Variants in MON2 observed in about 807,000 individuals in gnomAD.
MON2 encodes MON2 regulator of endosome-to-Golgi trafficking.
A neutral mutation model predicts 208.6 loss-of-function variants in MON2; 84 were observed. The observed-to-expected ratio is 0.40, with a 90% CI of 0.34 to 0.48. The LOEUF is 0.48. MON2 is among the 20% of genes least tolerant of loss of function. MON2 has a pLI of 0.59. For missense variants in MON2, 1,611 were observed against 2,015.4 expected, an observed-to-expected ratio of 0.80 and a Z score of 3.84; for synonymous variants, 660 against 694.0, an observed-to-expected ratio of 0.95 and a Z score of 0.77.
rs2075555075 is a variant in MON2, at chr12:62,597,646, TGC to T, written c.*4898_*4899del. 1 of 152,240 alleles carries T rather than the reference TGC, an allele frequency of 6.6e-6. No homozygotes were observed. The highest frequency in any genetic ancestry group is 6.5e-5 in the Admixed American group (1 of 15,282). The allele number at this position is 152,240 out of a possible 1,614,324, so 9.4% of individuals were successfully genotyped here. ...AGCCAAGATGCTCACAAAATGGGAT[TGC>T]TATAAATATGATGGATTCAGCACCT... is the stretch of plus-strand genomic sequence containing the variant. On this transcript the variant is annotated 3_prime_UTR_variant, in exon 35 of 35. Coordinates refer to ENST00000393630, the MANE Select transcript of MON2 (RefSeq NM_015026.3).
intron 29 of MON2, among the ~76,000 whole-genome samples, chr12:62,568,347 A>AT (rs1047826043): frequency 6.6e-6 from 1 of 151,846 alleles, no homozygotes; most frequent in Non-Finnish European, 1.5e-5. Context: ...GTGTATTTTT[A>AT]TTTTTTTTAG....
chr12:62,544,433 G>A (rs962187715), intron 20 of MON2, among the ~76,000 whole-genome samples: 5 of 152,052 alleles, frequency 3.3e-5, no homozygotes, highest in Non-Finnish European at 7.4e-5. Flanking sequence ...GTAACAAAGT[G>A]AGAGACTGTG....
intron 1 of MON2, among the ~76,000 whole-genome samples, chr12:62,471,978 G>A (rs1188186087): frequency 1.3e-5 from 2 of 152,208 alleles, no homozygotes; most frequent in African/African-American, 2.4e-5. Context: ...TAAGAAACAA[G>A]CTTGTTAGTA....
At position 62,599,630 on chromosome 12, in the gene MON2, C is replaced by T. The variant is rs2075589738; in HGVS notation, c.*6881C>T. 6.6e-6 allele frequency: 1 copy of T among 152,088 alleles called. No homozygotes were observed. The highest frequency in any genetic ancestry group is 6.5e-5 in the Admixed American group (1 of 15,268). The allele number at this position is 152,088 out of a possible 1,614,324, so 9.4% of individuals were successfully genotyped here. A position where few individuals can be genotyped will look rare whatever the true frequency, so the allele number is the denominator to read the frequency against. ...AGTTATTTTCATTTTACAGAAGAGT[C>T]AAGGATTAGGGGGTTGAAGTGAGCT... On this transcript the variant is annotated 3_prime_UTR_variant, in exon 35 of 35. Coordinates refer to ENST00000393630, the MANE Select transcript of MON2 (RefSeq NM_015026.3).
At chr12:62,473,089 A>C (rs1400491406) in intron 1 of MON2, among the ~76,000 whole-genome samples, 1 of 152,242 alleles carries the variant, frequency 6.6e-6, no homozygotes, top group Non-Finnish European at 1.5e-5. Flanking sequence ...TTTAACAGAA[A>C]TTTATGAGTC....
chr12:62,473,470 C>G (rs1236088504), intron 1 of MON2, among the ~76,000 whole-genome samples: 1 of 152,116 alleles, frequency 6.6e-6, no homozygotes, highest in Non-Finnish European at 1.5e-5. Flanking sequence ...TTATTTGTTA[C>G]TATTGGTTAT....
chr12:62,486,585 A>C (rs1012785824), intron 2 of MON2, among the ~76,000 whole-genome samples: 3 of 152,158 alleles, frequency 2.0e-5, no homozygotes, highest in Non-Finnish European at 4.4e-5. Context: ...AAAGTTGTAG[A>C]TTTATAGACC....
At chr12:62,561,624 T>G (rs2074200933) in intron 26 of MON2, among the ~76,000 whole-genome samples, 1 of 152,156 alleles carries the variant, frequency 6.6e-6, no homozygotes, top group Admixed American at 6.6e-5. Flanking sequence ...ACTATTCAGA[T>G]AAACAGATCT....
intron 27 of MON2, 88 bp downstream of exon 27, chr12:62,565,468 C>T (rs2074345410): frequency 6.1e-6 from 7 of 1,143,224 alleles, no homozygotes; most frequent in South Asian, 1.6e-5. Context: ...TTGATTATCT[C>T]GGAAAAGGAT....
chr12:62,473,864 C>G (rs530789664), intron 1 of MON2, among the ~76,000 whole-genome samples: 1 of 152,226 alleles, frequency 6.6e-6, no homozygotes, highest in South Asian at 2.1e-4. Flanking sequence ...AGCCACTGTG[C>G]CCGGCCATCC....
intron 4 of MON2, among the ~76,000 whole-genome samples, chr12:62,497,909 C>T (rs1565974640): frequency 6.6e-6 from 1 of 152,214 alleles, no homozygotes; most frequent in African/African-American, 2.4e-5. Context: ...AGCCACCATG[C>T]CCAGCCAACT....
At chr12:62,557,928 TTATATATATATATATATATA>T (rs71086609) in intron 25 of MON2, among the ~76,000 whole-genome samples, 3,078 of 46,018 alleles carry the variant, frequency 0.067, 336 homozygotes, top group Middle Eastern at 0.15. Flanking sequence ...ACGAATAGAT[TTATATATATATATATATATA>T]TATATATATA....
chr12:62,549,891 G>C, intron 23 of MON2, 61 bp downstream of exon 23: 1 of 1,116,754 alleles, frequency 9.0e-7, no homozygotes. Context: ...TCAGTTGGGA[G>C]TGAATGCTAA....
intron 32 of MON2, among the ~76,000 whole-genome samples, chr12:62,580,944 C>G (rs1327617472): frequency 6.6e-6 from 1 of 152,100 alleles, no homozygotes; most frequent in Non-Finnish European, 1.5e-5. Flanking sequence ...TAAGATGCCT[C>G]AACATTTTTT....
At chr12:62,566,199 T>C (rs574640815) in intron 28 of MON2, 123 bp from the exon 29 acceptor site, 1 of 1,352,784 alleles carries the variant, frequency 7.4e-7, no homozygotes, top group Non-Finnish European at 1.0e-6. Flanking sequence ...ACTTTGCATG[T>C]AATATAATCT....
intron 8 of MON2, among the ~76,000 whole-genome samples, chr12:62,513,619 C>G (rs2071530002): frequency 6.6e-6 from 1 of 152,072 alleles, no homozygotes; most frequent in Non-Finnish European, 1.5e-5. Flanking sequence ...TTAAGAGCAC[C>G]CAAGTCACCT....
intron 7 of MON2, among the ~76,000 whole-genome samples, chr12:62,504,843 T>C (rs2071022334): frequency 6.6e-6 from 1 of 152,214 alleles, no homozygotes; most frequent in Non-Finnish European, 1.5e-5. Flanking sequence ...TAAGGCTTGA[T>C]GAGTACTGTG....
intron 2 of MON2, among the ~76,000 whole-genome samples, chr12:62,485,772 C>T (rs1045396376): frequency 2.0e-5 from 3 of 151,654 alleles, no homozygotes; most frequent in Admixed American, 6.6e-5. Flanking sequence ...GGTGTGGTCT[C>T]GGCTTACTGC....
rs532586139 is a variant in MON2, at chr12:62,556,314, T to C, written c.3409+122T>C. 28 of 968,486 alleles carry C rather than the reference T, an allele frequency of 2.9e-5. No homozygotes were observed. In the East Asian group the frequency reaches 7.1e-4, roughly 25 times the overall value. 60.0% of individuals were successfully genotyped at this position (968,486 alleles called of 1,614,324 possible). A position where few individuals can be genotyped will look rare whatever the true frequency, so the allele number is the denominator to read the frequency against. On this transcript the variant is annotated intron_variant, in intron 25 of 34. Transcript: ENST00000393630. Reference sequence around the variant, plus strand: ...TTTATGTGTGGTGTGTGTGTAAGCATCTGTGTTTTCATTCGTTTGTACCTA... The same window carrying C: ...TTTATGTGTGGTGTGTGTGTAAGCACCTGTGTTTTCATTCGTTTGTACCTA...
Sources: allele counts gnomAD v4.1 joint callset (sites outside exome capture counted in the v4.1 genomes callset), GRCh38; gene constraint gnomAD v4.1.1; transcripts MANE v1.5; gene names NCBI Gene and HGNC (gene_info 2026-07-23, HGNC 2026-07-21).